Variants in IL6R observed in about 807,000 individuals in gnomAD.
IL6R encodes interleukin-6 receptor subunit alpha.
A neutral mutation model predicts 48.3 loss-of-function variants in IL6R; 38 were observed. The ratio of observed to expected loss-of-function variants is 0.79; its 90% CI spans 0.61 to 1.03. IL6R has a LOEUF of 1.03. IL6R is among the 50% of genes least tolerant of loss of function. The pLI is 0.00. For synonymous variants in IL6R, 264 were observed against 256.2 expected (o/e 1.03, Z -0.29); for missense variants, 534 against 618.3 (o/e 0.86, Z 1.45).
chr1:154,452,149 G>A (rs1690618556), intron 8 of IL6R, among the ~76,000 whole-genome samples: 1 of 152,120 alleles, frequency 6.6e-6, no homozygotes, highest in South Asian at 2.1e-4. Flanking sequence ...CCAACTTCTA[G>A]TCTTAACCCC....
chr1:154,420,320 G>A (rs1688585158), intron 1 of IL6R, among the ~76,000 whole-genome samples: 1 of 151,940 alleles, frequency 6.6e-6, no homozygotes, highest in African/African-American at 2.4e-5. Flanking sequence ...GGCCTGTGGG[G>A]GATCTACAGG....
At position 154,438,595 on chromosome 1, in the gene IL6R, G is replaced by T. The variant is rs150615301; in HGVS notation, c.949+2485G>T. 2.9e-3 allele frequency among the ~76,000 whole-genome samples: 437 copies of T among 152,198 alleles called. 2 individuals carry two copies. The highest frequency in any genetic ancestry group is 0.01 in the African/African-American group (422 of 41,522). ...GTAGAATTGACATCAGTCCCATCCC[G>T]ACCCCTGCCACTTTCTCCCAGCCCT... On this transcript the variant is annotated intron_variant, in intron 6 of 9. Coordinates refer to ENST00000368485, the MANE Select transcript of IL6R (RefSeq NM_000565.4).
chr1:154,420,501 CTTTAT>C (rs1189168791), intron 1 of IL6R, among the ~76,000 whole-genome samples: 1 of 138,854 alleles, frequency 7.2e-6, no homozygotes, highest in East Asian at 2.0e-4. Flanking sequence ...TGGAGATGTA[CTTTAT>C]TTTATTTTAT....
chr1:154,427,065 C>G (rs890921322), intron 1 of IL6R, among the ~76,000 whole-genome samples: 2 of 152,128 alleles, frequency 1.3e-5, no homozygotes, highest in African/African-American at 4.8e-5. Flanking sequence ...ATTACAGGAG[C>G]CTGCCACCAC....
In IL6R at chr1:154,426,535, A is replaced by T. The variant is rs1343635529; in HGVS notation, c.86-2661A>T. Among the ~76,000 whole-genome samples the T allele has an allele frequency of 2.0e-5, 3 of 146,852 alleles. No homozygotes were observed. In the East Asian group the frequency reaches 5.9e-4, roughly 29 times the overall value. ...GATTCTGTCTCAAAAAAAAAAAAAA[A>T]GAAAGAAAAGAGAAAAGCATATCAC... is the stretch of plus-strand genomic sequence containing the variant. On this transcript the variant is annotated intron_variant, in intron 1 of 9. Transcript: ENST00000368485.
intron 1 of IL6R, among the ~76,000 whole-genome samples, chr1:154,417,226 C>T (rs1012165779): frequency 3.3e-5 from 5 of 152,218 alleles, no homozygotes; most frequent in Admixed American, 1.3e-4. Context: ...CAGAGGGCTG[C>T]GTGTTAAGCC....
chr1:154,457,150 C>G (rs1004523432), intron 9 of IL6R, among the ~76,000 whole-genome samples: 3 of 151,838 alleles, frequency 2.0e-5, no homozygotes, highest in African/African-American at 7.3e-5. Flanking sequence ...TGGTGAAACT[C>G]CGTCTCTACT....
chr1:154,462,840 C>G (rs577382072), intron 9 of IL6R, among the ~76,000 whole-genome samples: 1 of 152,170 alleles, frequency 6.6e-6, no homozygotes, highest in Non-Finnish European at 1.5e-5. Context: ...AGACACATCA[C>G]TCTGTCACCC....
intron 6 of IL6R, among the ~76,000 whole-genome samples, chr1:154,436,735 C>T (rs1166091108): frequency 2.0e-5 from 3 of 152,194 alleles, no homozygotes; most frequent in African/African-American, 7.2e-5. Flanking sequence ...GGGGATCCCA[C>T]CACAGCTGGA....
chr1:154,410,844 TC>T (rs1687980380), intron 1 of IL6R, among the ~76,000 whole-genome samples: 2 of 152,208 alleles, frequency 1.3e-5, no homozygotes. Flanking sequence ...CCGAAAAGCA[TC>T]CTTTGGTCTT....
Position 154,429,453 on chromosome 1 carries a change from TG to T in IL6R, c.334+10del. On this transcript the variant is annotated intron_variant, in intron 2 of 9. Transcript: ENST00000368485. ...GCACTTGCTGGTGGATGGTGAGTTG[TG>T]CCTCAGAGGTCCCGGAGATAGTTCC... 1 of 1,603,936 alleles carries T rather than the reference TG, an allele frequency of 6.2e-7. No individual in the cohort carries two copies. The highest frequency in any genetic ancestry group is 8.5e-7 in the Non-Finnish European group (1 of 1,171,814).
chr1:154,450,059 G>T lies in IL6R; in HGVS notation c.1066+79G>T. The stretch of plus-strand genomic sequence containing the variant: ...TCTGCAGAAAGTCCTTTCTTATTTG[G>T]ACATGTCGTCAGAGGATCAATCACA... On this transcript the variant is annotated intron_variant, in intron 8 of 9. Coordinates refer to ENST00000368485, the MANE Select transcript of IL6R (RefSeq NM_000565.4). 9 of 897,796 alleles carry T rather than the reference G, an allele frequency of 1.0e-5. No homozygotes were observed. The South Asian group carries it at 1.0e-4, about 10-fold the overall frequency. The allele number at this position is 897,796 out of a possible 1,614,324, so 55.6% of individuals were successfully genotyped here.
intron 1 of IL6R, among the ~76,000 whole-genome samples, chr1:154,409,140 A>T (rs1687890540): frequency 1.3e-5 from 2 of 152,122 alleles, no homozygotes; most frequent in Non-Finnish European, 2.9e-5. Flanking sequence ...GTCTCCAAAA[A>T]ATTAATTTAA....
chr1:154,452,382 C>T (rs1690631259), intron 8 of IL6R, among the ~76,000 whole-genome samples: 1 of 152,202 alleles, frequency 6.6e-6, no homozygotes, highest in Non-Finnish European at 1.5e-5. Context: ...CCTCCTTGCT[C>T]CTCCACACAT....
intron 1 of IL6R, among the ~76,000 whole-genome samples, chr1:154,421,042 C>T (rs1558303949): frequency 6.6e-6 from 1 of 152,138 alleles, no homozygotes; most frequent in African/African-American, 2.4e-5. Context: ...GCTTCCTTGT[C>T]CTCTCTGCAG....
intron 1 of IL6R, chr1:154,414,604 AT>A (rs1688225154): frequency 2.6e-6 from 2 of 770,796 alleles, no homozygotes; most frequent in Non-Finnish European, 4.5e-6. Context: ...GCACCCGGCC[AT>A]CTCATCCCTG....
intron 1 of IL6R, chr1:154,414,532 T>G (rs1025686798): frequency 2.6e-6 from 2 of 776,846 alleles, no homozygotes; most frequent in Non-Finnish European, 4.5e-6. Flanking sequence ...TCTTTTTGGG[T>G]GTGTTGAAGA....
At chr1:154,415,150 G>A in intron 1 of IL6R, 1 of 833,010 alleles carries the variant, frequency 1.2e-6, no homozygotes, top group Non-Finnish European at 2.0e-6. Flanking sequence ...TCCTCAGCCT[G>A]CAGGACAGGG....
intron 5 of IL6R, among the ~76,000 whole-genome samples, chr1:154,435,532 G>T (rs1404272398): frequency 6.6e-6 from 1 of 151,876 alleles, no homozygotes; most frequent in Non-Finnish European, 1.5e-5. Flanking sequence ...AATAGAAAGG[G>T]TACTAAAAGG....
Sources: allele counts gnomAD v4.1 joint callset (sites outside exome capture counted in the v4.1 genomes callset), GRCh38; gene constraint gnomAD v4.1.1; transcripts MANE v1.5; gene names NCBI Gene and HGNC (gene_info 2026-07-23, HGNC 2026-07-21).